The following MROH6 variants were observed in gnomAD, a reference collection of about 807,000 sequenced individuals.
MROH6 encodes maestro heat like repeat family member 6.
In MROH6, 62 loss-of-function variants were observed where a neutral mutation model predicts 67.7. That is an observed-to-expected ratio of 0.92 (90% CI 0.75 to 1.13). The LOEUF is 1.13. Ranked by LOEUF, MROH6 falls within the 50% of genes most tolerant of loss-of-function variation. The pLI is 0.00. For synonymous variants in MROH6, 566 were observed against 470.8 expected (o/e 1.20, Z -2.62); for missense variants, 1,175 against 1,029.1 (o/e 1.14, Z -1.94).
Position 143,570,258 on chromosome 8 carries a change from A to T in MROH6, c.1028T>A (p.Val343Asp), listed in dbSNP as rs764721664. 6.3e-7 allele frequency: 1 copy of T among 1,589,904 alleles called. No individual in the cohort carries two copies. The highest frequency in any genetic ancestry group is 2.2e-5 in the East Asian group (1 of 44,656). The change falls in exon 6 of 14, where the codon GTC becomes GAC. Residue 343 changes from valine (V) to aspartate (D), a missense_variant. Transcript: ENST00000398882. ...LVGAHTHLEG[V>D]LLLASAMVAH... Reference sequence around the variant, plus strand: ...CCCTCCTCACCTGGCCAGCAGCAGGACGCCCTCCAGGTGGGTGTGGGCTCC... The same window carrying T: ...CCCTCCTCACCTGGCCAGCAGCAGGTCGCCCTCCAGGTGGGTGTGGGCTCC...
In MROH6 at chr8:143,568,163, C is replaced by T. The variant is rs545544552; in HGVS notation, c.1743G>A (p.Leu581=). Residue 581 remains leucine (L), a synonymous_variant, in exon 11 of 14, where the codon CTG becomes CTA. Transcript: ENST00000398882. The part of the protein sequence containing the change: ...TVAHYDSPEA[L]SHLCCRLVQR... Reference sequence around the variant, plus strand: ...TGACCAGGCGGCAGCAGAGGTGGCTCAGGGCCTCGGGGCTGTCATAGTGGG... The same window carrying T: ...TGACCAGGCGGCAGCAGAGGTGGCTTAGGGCCTCGGGGCTGTCATAGTGGG... 1 of 1,609,192 alleles carries T rather than the reference C, an allele frequency of 6.2e-7. No homozygotes were observed. The highest frequency in any genetic ancestry group is 1.3e-5 in the African/African-American group (1 of 74,954).
In MROH6 at chr8:143,570,008, A is replaced by G; in HGVS notation, c.1101T>C (p.Pro367=). 1 of 1,609,976 alleles carries G rather than the reference A, an allele frequency of 6.2e-7. No individual in the cohort carries two copies. Among genetic ancestry groups the G allele is most frequent in the Non-Finnish European group, 8.5e-7 (1 of 1,179,808 alleles). Residue 367 remains proline (P), a synonymous_variant, in exon 7 of 14, where the codon CCT becomes CCC. Transcript: ENST00000398882. ...GCGGGTCGTCCGCGCTGCGAAGCCG[A>G]GGGAGCAAGTCTGCGAAGAGGCCTC... The part of the protein sequence containing the change: ...HLRGLFADLL[P]RLRSADDPQR...
At chr8:143,569,926 C>T in intron 7 of MROH6, 25 bp downstream of exon 7, 2 of 1,612,312 alleles carry the variant, frequency 1.2e-6, no homozygotes, top group South Asian at 2.2e-5. Context: ...TCACCCTTCA[C>T]CACCCATCCG....
chr8:143,568,490 G>A (rs1823766564), intron 10 of MROH6, 62 bp downstream of exon 10: 2 of 1,463,362 alleles, frequency 1.4e-6, no homozygotes, highest in African/African-American at 1.4e-5. Context: ...CGGAGGGGAG[G>A]CACGGTGGGA....
chr8:143,571,849 A>C (rs749655352), intron 2 of MROH6, 28 bp from the exon 3 acceptor site: 2 of 1,529,580 alleles, frequency 1.3e-6, no homozygotes, highest in Non-Finnish European at 1.8e-6. Context: ...AGACTTCAGC[A>C]GTCAGGCCTC....
chr8:143,567,640 T>C lies in MROH6; in HGVS notation c.1904A>G (p.Asn635Ser), dbSNP rs1173787317. 3.2e-6 allele frequency: 5 copies of C among 1,572,564 alleles called. No individual in the cohort carries two copies. The Admixed American group carries it at 7.4e-5, about 23-fold the overall frequency. Reference protein sequence around the residue: ...LVHHASPGCVNQDLLDSLFQD... With the variant: ...LVHHASPGCVSQDLLDSLFQD... Reference sequence around the variant, plus strand: ...GAACAGGGAGTCCAGCAGGTCCTGGTTGACACAGCCGGGGCTGGCGTGGTG... The same window carrying C: ...GAACAGGGAGTCCAGCAGGTCCTGGCTGACACAGCCGGGGCTGGCGTGGTG... The change falls in exon 13 of 14, where the codon AAC becomes AGC. Residue 635 changes from asparagine (N) to serine (S), a missense_variant. By Grantham distance (46) the Asn-to-Ser change is conservative. Transcript: ENST00000398882.
At chr8:143,569,235 G>A (rs1452087475) in intron 9 of MROH6, among the ~76,000 whole-genome samples, 1 of 75,160 alleles carries the variant, frequency 1.3e-5, no homozygotes, top group Non-Finnish European at 2.7e-5. Flanking sequence ...CGGGGCATGA[G>A]AGGGAGAAAC....
In MROH6 at chr8:143,569,982, T is replaced by C; in HGVS notation, c.1127A>G (p.Gln376Arg). ...LPRLRSADDP[Q>R]RLTAMAFFTG... ...GAAGAAGGCCATAGCCGTGAGACGC[T>C]GCGGGTCGTCCGCGCTGCGAAGCCG... The change falls in exon 7 of 14, where the codon CAG (glutamine) becomes CGG (arginine). Residue 376 changes from glutamine to arginine, a missense_variant. By Grantham distance (43) the Gln-to-Arg change is conservative (BLOSUM62 1). Coordinates refer to ENST00000398882, the MANE Select transcript of MROH6 (RefSeq NM_001100878.2). The C allele has an allele frequency of 1.2e-6, 2 of 1,613,234 alleles. No homozygotes were observed. The highest frequency in any genetic ancestry group is 1.6e-4 in the Middle Eastern group (1 of 6,062).
chr8:143,571,341 G>T (rs1824024879), intron 3 of MROH6, among the ~76,000 whole-genome samples: 1 of 149,146 alleles, frequency 6.7e-6, no homozygotes. Flanking sequence ...AGAGCCAGGG[G>T]TGTCCAGGCA....
rs1248109140 is a variant in MROH6 at position 143,571,787 on chromosome 8, A to G, written c.482T>C (p.Val161Ala). The G allele has an allele frequency of 1.9e-6, 3 of 1,547,406 alleles. No individual in the cohort carries two copies. Among genetic ancestry groups the G allele is most frequent in the African/African-American group, 1.4e-5 (1 of 73,160 alleles). The change falls in exon 3 of 14, where the codon GTG becomes GCG. Residue 161 changes from valine (V) to alanine (A), a missense_variant. Physicochemically the swap from Val to Ala is moderately conservative, Grantham distance 64. Transcript: ENST00000398882. Reference sequence around the variant, plus strand: ...GGGCCTCCCCTCCGCTAGGCTGGGCACCTGCGCCAGCAGCCCACGCACCAG... The same window carrying G: ...GGGCCTCCCCTCCGCTAGGCTGGGCGCCTGCGCCAGCAGCCCACGCACCAG... ...HALVRGLLAQVPSLAEGRPWR... is the reference protein window; with the variant it reads ...HALVRGLLAQAPSLAEGRPWR...
At chr8:143,567,582 C>A in intron 13 of MROH6, 29 bp downstream of exon 13, 1 of 1,545,512 alleles carries the variant, frequency 6.5e-7, no homozygotes, top group Non-Finnish European at 8.7e-7. Flanking sequence ...GTCTCCAGGA[C>A]ACCATCCCCT....
chr8:143,570,161 C>A, intron 6 of MROH6, 82 bp downstream of exon 6: 2 of 1,559,610 alleles, frequency 1.3e-6, no homozygotes, highest in Non-Finnish European at 8.7e-7. Context: ...CCTGCCTTTT[C>A]CCTGTCCCCC....
rs933594227 is a variant in MROH6, at chr8:143,568,228, C to T, written c.1678G>A (p.Ala560Thr). Residue 560 changes from alanine (A) to threonine (T), a missense_variant, in exon 11 of 14, where the codon GCC becomes ACC. Coordinates refer to ENST00000398882, the MANE Select transcript of MROH6 (RefSeq NM_001100878.2). Reference protein sequence around the residue: ...SEWTLARCDHAFCWGLLEELV... With the variant: ...SEWTLARCDHTFCWGLLEELV... ...TCCTCCAGCAGGCCCCAGCAAAAGG[C>T]GTGGTCACAGCGGGCCAGGGTCCAC... 12 of 1,610,812 alleles carry T rather than the reference C, an allele frequency of 7.4e-6. No individual in the cohort carries two copies. Among genetic ancestry groups the T allele is most frequent in the Admixed American group, 3.3e-5 (2 of 59,782 alleles).
chr8:143,572,100 C>T lies in MROH6; in HGVS notation c.380G>A (p.Gly127Glu). 1.2e-6 allele frequency: 2 copies of T among 1,612,924 alleles called. No individual in the cohort carries two copies. Among genetic ancestry groups the T allele is most frequent in the Non-Finnish European group, 1.7e-6 (2 of 1,179,830 alleles). Residue 127 changes from glycine (G) to glutamate (E), a missense_variant, in exon 2 of 14, where the codon GGG becomes GAG. Physicochemically the swap from Gly to Glu is moderately conservative, Grantham distance 98 (BLOSUM62 -2). Coordinates refer to ENST00000398882, the MANE Select transcript of MROH6 (RefSeq NM_001100878.2). ...AACLEEAGFA[G>E]TQATVLTLSS... is the part of the protein sequence containing the mutation. ...CAGGGTGAGCACTGTCGCCTGGGTC[C>T]CTGCAAAGCCAGCCTCCTCCAGGCA...
intron 1 of MROH6, 69 bp from the exon 2 acceptor site, chr8:143,572,254 C>T: frequency 1.3e-6 from 2 of 1,577,662 alleles, no homozygotes; most frequent in East Asian, 2.2e-5. Flanking sequence ...GTCCCTCGGC[C>T]TCCCACCTGG....
At chr8:143,570,192 A>G in intron 6 of MROH6, 51 bp downstream of exon 6, 2 of 1,558,454 alleles carry the variant, frequency 1.3e-6, no homozygotes, top group Non-Finnish European at 1.7e-6. Context: ...CTGGCCAGCA[A>G]CGACTCTCTT....
At position 143,567,807 on chromosome 8, in the gene MROH6, G is replaced by T. The variant is rs778683840; in HGVS notation, c.1846C>A (p.Arg616=). Residue 616 remains arginine, a synonymous_variant, in exon 12 of 14, where the codon CGG becomes AGG. Coordinates refer to ENST00000398882, the MANE Select transcript of MROH6 (RefSeq NM_001100878.2). ...YLRSPQDPLR[R]AAAVLIGFLV... The stretch of plus-strand genomic sequence containing the variant: ...TCACCTATAAGCACGGCGGCTGCCC[G>T]GCGCAGGGGGTCCTGTGGACTCCGC... 1.6e-5 allele frequency: 24 copies of T among 1,535,238 alleles called. No individual in the cohort carries two copies. In the East Asian group the frequency reaches 5.0e-4, roughly 32 times the overall value.
At chr8:143,568,430 C>T in intron 10 of MROH6, 122 bp downstream of exon 10, 2 of 1,436,264 alleles carry the variant, frequency 1.4e-6, no homozygotes, top group African/African-American at 1.4e-5. Context: ...CCGCCCGTCA[C>T]ACCTGCCACT....
chr8:143,571,866 C>T (rs896212319), intron 2 of MROH6, 45 bp from the exon 3 acceptor site: 7 of 1,517,052 alleles, frequency 4.6e-6, no homozygotes, highest in Middle Eastern at 1.8e-4. Flanking sequence ...CCTCCTCCAC[C>T]GTCCATTCCC....
Sources: allele counts gnomAD v4.1 joint callset (sites outside exome capture counted in the v4.1 genomes callset), GRCh38; gene constraint gnomAD v4.1.1; transcripts MANE v1.5; gene names NCBI Gene and HGNC (gene_info 2026-07-23, HGNC 2026-07-21).